The following PLEK2 variants were observed in gnomAD, a reference collection of about 807,000 sequenced individuals.
PLEK2 encodes the protein pleckstrin 2.
PLEK2 carries 29 observed loss-of-function variants against 43.8 expected under a neutral mutation model. The ratio of observed to expected loss-of-function variants is 0.66; its 90% CI spans 0.49 to 0.90. The LOEUF is 0.90. Among genes scored for constraint, PLEK2 ranks in the 40% least tolerant of loss-of-function variants. The pLI is 0.00. For missense variants in PLEK2, 398 were observed against 448.1 expected (o/e 0.89, Z 1.01); for synonymous variants, 162 against 173.2 (o/e 0.94, Z 0.51).
Position 67,395,385 on chromosome 14 carries a change from G to T in PLEK2, c.389+17C>A. On this transcript the variant is annotated intron_variant, in intron 3 of 8. Transcript: ENST00000216446. ...GCAGGAGAGGCTGCCACAGAGCCCG[G>T]CAAGTGGGGCACTCACTGCAGGCTG... 6.2e-7 allele frequency: 1 copy of T among 1,610,594 alleles called. No homozygotes were observed. Among genetic ancestry groups the T allele is most frequent in the Non-Finnish European group, 8.5e-7 (1 of 1,177,764 alleles).
rs750291969 is a variant in PLEK2 at position 67,392,809 on chromosome 14, C to T, written c.522G>A (p.Thr174=). 1.2e-5 allele frequency: 20 copies of T among 1,613,540 alleles called. No homozygotes were observed. Among genetic ancestry groups the T allele is most frequent in the Middle Eastern group, 1.6e-4 (1 of 6,084 alleles). The change falls in exon 5 of 9, where the codon ACG becomes ACA. Residue 174 remains threonine (T), a synonymous_variant. Coordinates refer to ENST00000216446, the MANE Select transcript of PLEK2 (RefSeq NM_016445.3). The part of the protein sequence containing the change: ...LVDWLISNSF[T]ASRLEAVTLA... ...GGGTCACCGCCTCCAGACGGCTGGC[C>T]GTGAAGCTGTTGGAGATGAGCCAGT...
intron 7 of PLEK2, among the ~76,000 whole-genome samples, chr14:67,388,888 AGGCTGG>A: frequency 6.6e-6 from 1 of 152,068 alleles, no homozygotes; most frequent in African/African-American, 2.4e-5. Context: ...CACCTTGGCC[AGGCTGG>A]TCTCAAACTC....
At chr14:67,401,851 C>T (rs2086050504) in intron 1 of PLEK2, among the ~76,000 whole-genome samples, 1 of 151,962 alleles carries the variant, frequency 6.6e-6, no homozygotes, top group Non-Finnish European at 1.5e-5. Context: ...CAGGCCGGCG[C>T]GGTGGCTCAC....
Position 67,392,376 on chromosome 14 carries a change from T to C in PLEK2, c.721A>G (p.Thr241Ala), listed in dbSNP as rs2085975637. The stretch of plus-strand genomic sequence containing the variant: ...ACCACCGTGCCACTTAACTCCACAG[T>C]GCTCAGGCTAATTTCTTCCTTGGGG... ...ISPKEEISLS[T>A]VELSGTVVKQ... The change falls in exon 6 of 9, where the codon ACT becomes GCT. Residue 241 changes from threonine to alanine, a missense_variant. Thr to Ala is a moderately conservative substitution (Grantham distance 58). Transcript: ENST00000216446. 1 of 1,614,000 alleles carries C rather than the reference T, an allele frequency of 6.2e-7. No individual in the cohort carries two copies. The highest frequency in any genetic ancestry group is 8.5e-7 in the Non-Finnish European group (1 of 1,179,892).
At chr14:67,393,344 G>T in intron 3 of PLEK2, 103 bp from the exon 4 acceptor site, 2 of 797,660 alleles carry the variant, frequency 2.5e-6, no homozygotes, top group Non-Finnish European at 2.3e-6. Context: ...GTGGCAAATG[G>T]TGTGACACAC....
intron 1 of PLEK2, among the ~76,000 whole-genome samples, chr14:67,405,896 C>G (rs777855102): frequency 9.2e-5 from 14 of 152,188 alleles, no homozygotes; most frequent in South Asian, 6.2e-4. Flanking sequence ...GACCCTGAGC[C>G]AGTCTTGCAG....
Position 67,397,677 on chromosome 14 carries a change from C to G in PLEK2, c.192G>C (p.Glu64Asp). ...CATCACTTACCGGTCGGTTTTCATACTCCAGGCAGGGGCAGGTGATGGTGC... is the reference window on the plus strand; with the variant it reads ...CATCACTTACCGGTCGGTTTTCATAGTCCAGGCAGGGGCAGGTGATGGTGC... ...DGCTITCPCL[E>D]YENRPLLIKL... Residue 64 changes from glutamate (E) to aspartate (D), a missense_variant, in exon 2 of 9, where the codon GAG (glutamate) becomes GAC (aspartate). Transcript: ENST00000216446. 1 of 1,611,954 alleles carries G rather than the reference C, an allele frequency of 6.2e-7. No individual in the cohort carries two copies. Among genetic ancestry groups the G allele is most frequent in the Non-Finnish European group, 8.5e-7 (1 of 1,179,032 alleles).
At position 67,392,668 on chromosome 14, in the gene PLEK2, G is replaced by A. The variant is rs1566624404; in HGVS notation, c.663C>T (p.Tyr221=). 7.4e-6 allele frequency: 12 copies of A among 1,613,058 alleles called. No individual in the cohort carries two copies. Among genetic ancestry groups the A allele is most frequent in the Non-Finnish European group, 1.0e-5 (12 of 1,179,190 alleles). ...EQFLDDSTAL[Y]TFAESYKKKI... is the part of the protein sequence containing the mutation. Reference sequence around the variant, plus strand: ...AACCCACTCCCCAACTTACAAAAGTGTACAGGGCTGTGGAGTCATCCAGGA... The same window carrying A: ...AACCCACTCCCCAACTTACAAAAGTATACAGGGCTGTGGAGTCATCCAGGA... Residue 221 remains tyrosine, a synonymous_variant, in exon 5 of 9, where the codon TAC becomes TAT. Transcript: ENST00000216446.
chr14:67,393,391 G>C lies in PLEK2; in HGVS notation c.390-150C>G, dbSNP rs1847936795. On this transcript the variant is annotated intron_variant, in intron 3 of 8. Transcript: ENST00000216446. ...AAGGGGTGTAGGAAAGCAGCCTTTTGAATGGCAAGAGTGATGCCATCTTGA... is the reference window on the plus strand; with the variant it reads ...AAGGGGTGTAGGAAAGCAGCCTTTTCAATGGCAAGAGTGATGCCATCTTGA... The C allele has an allele frequency of 1.0e-5, 7 of 681,780 alleles. No homozygotes were observed. The South Asian group carries it at 1.2e-4, about 12-fold the overall frequency. 42.2% of individuals were successfully genotyped at this position (681,780 alleles called of 1,614,324 possible).
chr14:67,397,393 C>T (rs1566627162), intron 2 of PLEK2, among the ~76,000 whole-genome samples: 1 of 152,202 alleles, frequency 6.6e-6, no homozygotes, highest in Admixed American at 6.5e-5. Context: ...TCTAATACAC[C>T]GTGACCTTCA....
intron 1 of PLEK2, among the ~76,000 whole-genome samples, chr14:67,407,840 G>T (rs2086089426): frequency 6.6e-6 from 1 of 152,152 alleles, no homozygotes; most frequent in African/African-American, 2.4e-5. Context: ...GGGCCCAGTG[G>T]TGTGTACTTG....
intron 2 of PLEK2, 109 bp from the exon 3 acceptor site, chr14:67,395,692 T>A: frequency 1.3e-6 from 1 of 788,194 alleles, no homozygotes; most frequent in Non-Finnish European, 2.1e-6. Context: ...GACTGCCAAA[T>A]GCCCTGAGCC....
At chr14:67,398,492 C>T (rs1437179405) in intron 1 of PLEK2, among the ~76,000 whole-genome samples, 2 of 152,134 alleles carry the variant, frequency 1.3e-5, no homozygotes, top group Non-Finnish European at 2.9e-5. Flanking sequence ...TTATTCCTGC[C>T]ACCTGAGAAC....
At chr14:67,399,648 C>G (rs1399062024) in intron 1 of PLEK2, among the ~76,000 whole-genome samples, 8 of 144,442 alleles carry the variant, frequency 5.5e-5, no homozygotes, top group East Asian at 2.3e-4. Flanking sequence ...TTAGGTGGTT[C>G]TCAGGTGGCA....
chr14:67,408,291 TAAATAAATA>T (rs2086093014), intron 1 of PLEK2, among the ~76,000 whole-genome samples: 2 of 95,914 alleles, frequency 2.1e-5, no homozygotes, highest in African/African-American at 5.3e-5. Flanking sequence ...GGTCTCAAAA[TAAATAAATA>T]AAATAAAATA....
intron 1 of PLEK2, among the ~76,000 whole-genome samples, chr14:67,406,786 C>T (rs894630599): frequency 1.3e-5 from 2 of 152,166 alleles, no homozygotes; most frequent in Non-Finnish European, 2.9e-5. Context: ...TAAACCACAC[C>T]ATGCACAGAG....
At chr14:67,391,271 ATG>A (rs61156733) in intron 6 of PLEK2, among the ~76,000 whole-genome samples, 4,013 of 143,146 alleles carry the variant, frequency 0.028, 90 homozygotes, top group African/African-American at 0.059. Context: ...AGCAGCTGAT[ATG>A]TGTGTGTGTG....
At chr14:67,391,271 ATGTGTGTGTGTGTGTGTG>A (rs61156733) in intron 6 of PLEK2, among the ~76,000 whole-genome samples, 2 of 143,798 alleles carry the variant, frequency 1.4e-5, no homozygotes, top group Non-Finnish European at 3.1e-5. Context: ...AGCAGCTGAT[ATGTGTGTGTGTGTGTGTG>A]TGTGTGTGTG....
chr14:67,395,658 C>T, intron 2 of PLEK2, 75 bp from the exon 3 acceptor site: 1 of 1,305,822 alleles, frequency 7.7e-7, no homozygotes, highest in Non-Finnish European at 1.1e-6. Context: ...AATGACGGGG[C>T]CCCGGGAGAA....
Sources: allele counts gnomAD v4.1 joint callset (sites outside exome capture counted in the v4.1 genomes callset), GRCh38; gene constraint gnomAD v4.1.1; transcripts MANE v1.5; gene names NCBI Gene and HGNC (gene_info 2026-07-23, HGNC 2026-07-21).